The following FSIP1 variants were observed in gnomAD, a reference collection of about 807,000 sequenced individuals.
The protein encoded by FSIP1 is fibrous sheath interacting protein 1, also known as fibrous sheath-interacting protein 1.
A neutral mutation model predicts 60.9 loss-of-function variants in FSIP1; 65 were observed. That is an observed-to-expected ratio of 1.07 (90% CI 0.87 to 1.31). The LOEUF (loss-of-function observed/expected upper bound fraction) is 1.31, where lower values mean the gene tolerates loss of function less well. FSIP1 is among the 40% of genes most tolerant of loss of function. FSIP1 has a pLI of 0.00. For missense variants in FSIP1, 675 were observed against 665.5 expected, an observed-to-expected ratio of 1.01 and a Z score of -0.16; for synonymous variants, 209 against 221.2, an observed-to-expected ratio of 0.94 and a Z score of 0.49.
chr15:39,649,245 G>A (rs1892763718), intron 10 of FSIP1, among the ~76,000 whole-genome samples: 1 of 152,176 alleles, frequency 6.6e-6, no homozygotes, highest in Non-Finnish European at 1.5e-5. Flanking sequence ...CACCTGTAAA[G>A]CCAGTGTGGC....
chr15:39,679,517 A>C (rs1006111807), intron 10 of FSIP1, among the ~76,000 whole-genome samples: 1 of 152,164 alleles, frequency 6.6e-6, no homozygotes, highest in African/African-American at 2.4e-5. Flanking sequence ...TGGGAAGATC[A>C]TTTGAGCCAA....
intron 2 of FSIP1, among the ~76,000 whole-genome samples, chr15:39,772,270 T>C (rs1897913804): frequency 6.6e-6 from 1 of 152,162 alleles, no homozygotes; most frequent in Non-Finnish European, 1.5e-5. Context: ...TCCTCATTCT[T>C]AACATCACAT....
At chr15:39,646,487 A>G (rs1303870139) in intron 10 of FSIP1, among the ~76,000 whole-genome samples, 1 of 130,054 alleles carries the variant, frequency 7.7e-6, no homozygotes, top group East Asian at 2.4e-4. Flanking sequence ...AGTTCGAGAC[A>G]GGCCTGCGTA....
intron 8 of FSIP1, among the ~76,000 whole-genome samples, chr15:39,731,194 G>C (rs767445468): frequency 1.3e-5 from 2 of 152,122 alleles, no homozygotes; most frequent in Non-Finnish European, 2.9e-5. Flanking sequence ...TTGATCCTCA[G>C]TGAGGTTCAG....
intron 10 of FSIP1, among the ~76,000 whole-genome samples, chr15:39,652,464 C>T (rs982392292): frequency 6.6e-6 from 1 of 152,160 alleles, no homozygotes; most frequent in African/African-American, 2.4e-5. Flanking sequence ...ATATATAGGA[C>T]TAAGAGCTGT....
intron 10 of FSIP1, among the ~76,000 whole-genome samples, chr15:39,710,567 G>A (rs891442155): frequency 2.6e-5 from 4 of 152,008 alleles, no homozygotes; most frequent in African/African-American, 9.7e-5. Flanking sequence ...ATTTGTATAG[G>A]GGAACCCAAA....
chr15:39,668,540 T>C (rs1031978318), intron 10 of FSIP1, among the ~76,000 whole-genome samples: 1 of 152,250 alleles, frequency 6.6e-6, no homozygotes, highest in African/African-American at 2.4e-5. Flanking sequence ...AATTAGCCTA[T>C]ATTGTGTTTC....
intron 9 of FSIP1, among the ~76,000 whole-genome samples, chr15:39,724,813 C>T (rs1350201544): frequency 3.3e-5 from 5 of 152,132 alleles, no homozygotes; most frequent in African/African-American, 9.7e-5. Flanking sequence ...ACAAGAACAA[C>T]AAAAATCAAC....
intron 10 of FSIP1, among the ~76,000 whole-genome samples, chr15:39,659,873 C>T (rs1201379064): frequency 6.6e-6 from 1 of 152,108 alleles, no homozygotes; most frequent in Non-Finnish European, 1.5e-5. Context: ...TCATTGGGTA[C>T]TGTTATGACA....
At chr15:39,757,800 G>C (rs1289861276) in intron 5 of FSIP1, among the ~76,000 whole-genome samples, 1 of 152,102 alleles carries the variant, frequency 6.6e-6, no homozygotes, top group African/African-American at 2.4e-5. Context: ...AACTAATTAA[G>C]ACAGTCAGTA....
chr15:39,620,617 A>C (rs1041724652), intron 10 of FSIP1, among the ~76,000 whole-genome samples: 5 of 151,216 alleles, frequency 3.3e-5, no homozygotes, highest in Non-Finnish European at 7.4e-5. Flanking sequence ...TTTGACATGG[A>C]GTCTTGCTCT....
intron 11 of FSIP1, among the ~76,000 whole-genome samples, chr15:39,615,403 C>A (rs1328051863): frequency 1.7e-5 from 2 of 117,568 alleles, no homozygotes; most frequent in Non-Finnish European, 1.8e-5. Context: ...GGAACTCAAA[C>A]AACTCAATAG....
At chr15:39,758,502 A>AT (rs11458441) in intron 5 of FSIP1, among the ~76,000 whole-genome samples, 3,995 of 151,848 alleles carry the variant, frequency 0.026, 195 homozygotes, top group African/African-American at 0.092. Flanking sequence ...CTGTCCATGG[A>AT]TTTTTTTGAG....
chr15:39,749,619 T>A (rs1296845534), intron 5 of FSIP1, among the ~76,000 whole-genome samples: 2 of 152,028 alleles, frequency 1.3e-5, no homozygotes, highest in African/African-American at 4.8e-5. Context: ...AAGTTCAACA[T>A]CCTTTCTTGA....
intron 10 of FSIP1, among the ~76,000 whole-genome samples, chr15:39,656,337 A>G (rs140175756): frequency 6.6e-6 from 1 of 152,232 alleles, no homozygotes; most frequent in Non-Finnish European, 1.5e-5. Flanking sequence ...AAAGGTGTAC[A>G]ATATTCCTTA....
At chr15:39,646,435 G>C (rs1595568505) in intron 10 of FSIP1, among the ~76,000 whole-genome samples, 1 of 142,592 alleles carries the variant, frequency 7.0e-6, no homozygotes, top group East Asian at 2.1e-4. Flanking sequence ...CGTAATCCCA[G>C]CACTCTGAGA....
At chr15:39,618,507 T>C (rs1448875304) in intron 10 of FSIP1, among the ~76,000 whole-genome samples, 3 of 152,016 alleles carry the variant, frequency 2.0e-5, no homozygotes, top group Non-Finnish European at 4.4e-5. Context: ...GGGAAAAAAA[T>C]TGGCATACAA....
intron 10 of FSIP1, among the ~76,000 whole-genome samples, chr15:39,648,510 C>T (rs1892725688): frequency 6.6e-6 from 1 of 152,166 alleles, no homozygotes; most frequent in African/African-American, 2.4e-5. Flanking sequence ...GAACCACTGA[C>T]ACAGACCAAT....
At chr15:39,776,059 A>G (rs1259415570) in intron 2 of FSIP1, among the ~76,000 whole-genome samples, 1 of 150,664 alleles carries the variant, frequency 6.6e-6, no homozygotes, top group African/African-American at 2.4e-5. Flanking sequence ...GTCGATACAC[A>G]AGTTTTAACA....
Sources: gnomAD v4.1 joint callset for allele counts (sites outside exome capture counted in the v4.1 genomes callset) on GRCh38, gnomAD v4.1.1 for gene constraint, MANE v1.5 for transcripts, NCBI Gene and HGNC (gene_info 2026-07-23, HGNC 2026-07-21) for gene names.